ARHGAP15: variants seen among roughly 807,000 people sequenced by gnomAD.
The protein encoded by ARHGAP15 is Rho GTPase activating protein 15.
Under a neutral mutation model 63.7 loss-of-function variants are expected in ARHGAP15, and 51 were observed. That is an observed-to-expected ratio of 0.80 (90% confidence interval 0.64 to 1.01). The LOEUF (loss-of-function observed/expected upper bound fraction) is 1.01. Ranked by LOEUF, ARHGAP15 falls within the 50% of genes least tolerant of loss-of-function variation. The pLI is 0.00. For missense variants in ARHGAP15, 560 were observed against 564.6 expected (o/e 0.99, Z 0.08); for synonymous variants, 191 against 193.8 (o/e 0.99, Z 0.12).
intron 12 of ARHGAP15, among the ~76,000 whole-genome samples, chr2:143,633,474 A>G (rs975003934): frequency 1.3e-5 from 2 of 152,140 alleles, no homozygotes; most frequent in African/African-American, 4.8e-5. Flanking sequence ...TTGAGTGGTA[A>G]GACATCAGCT....
At chr2:143,404,630 T>C (rs1186359535) in intron 6 of ARHGAP15, among the ~76,000 whole-genome samples, 1 of 151,896 alleles carries the variant, frequency 6.6e-6, no homozygotes, top group Non-Finnish European at 1.5e-5. Flanking sequence ...TTAAATAAGA[T>C]GTAAACTATG....
At chr2:143,416,404 A>G (rs999131743) in intron 6 of ARHGAP15, among the ~76,000 whole-genome samples, 17 of 152,332 alleles carry the variant, frequency 1.1e-4, no homozygotes, top group South Asian at 2.1e-4. Context: ...TGCAAGCCAT[A>G]AAGAGGCAAA....
intron 6 of ARHGAP15, among the ~76,000 whole-genome samples, chr2:143,251,655 A>AT (rs998213305): frequency 6.6e-6 from 1 of 152,032 alleles, no homozygotes; most frequent in Admixed American, 6.6e-5. Context: ...AGGTATAGAG[A>AT]TTTTTTATCA....
At chr2:143,259,719 C>T (rs1195127297) in intron 6 of ARHGAP15, among the ~76,000 whole-genome samples, 1 of 152,042 alleles carries the variant, frequency 6.6e-6, no homozygotes, top group African/African-American at 2.4e-5. Flanking sequence ...AGTCCTTTCT[C>T]CCTGTCTTGT....
chr2:143,718,810 C>G (rs779267234), intron 13 of ARHGAP15, among the ~76,000 whole-genome samples: 5 of 152,170 alleles, frequency 3.3e-5, no homozygotes, highest in African/African-American at 2.4e-5. Context: ...AGGTTGAGTA[C>G]TTACTGTGTG....
intron 6 of ARHGAP15, among the ~76,000 whole-genome samples, chr2:143,382,083 TTCCTTCCTTCCTCCCTC>T (rs970094833): frequency 1.0e-3 from 29 of 27,908 alleles, no homozygotes; most frequent in African/African-American, 1.9e-3. Flanking sequence ...CTTCCTTCCT[TTCCTTCCTTCCTCCCTC>T]CCTTTCCTTC....
chr2:143,231,530 G>A (rs11888606), intron 5 of ARHGAP15, among the ~76,000 whole-genome samples: 42,835 of 151,976 alleles, frequency 0.28, 6,888 homozygotes, highest in East Asian at 0.46. Flanking sequence ...AAAGTTTCCC[G>A]GTGCCCCCAT....
chr2:143,515,436 T>G (rs988916808), intron 9 of ARHGAP15, among the ~76,000 whole-genome samples: 43 of 152,226 alleles, frequency 2.8e-4, no homozygotes, highest in Non-Finnish European at 7.3e-5. Flanking sequence ...TTTTGTTGCT[T>G]ATTTTTAATA....
intron 6 of ARHGAP15, among the ~76,000 whole-genome samples, chr2:143,265,828 A>C (rs1680960678): frequency 6.6e-6 from 1 of 152,178 alleles, no homozygotes; most frequent in East Asian, 1.9e-4. Flanking sequence ...AGATAAGCAT[A>C]GTGTATTCAT....
intron 2 of ARHGAP15, among the ~76,000 whole-genome samples, chr2:143,166,692 C>G (rs973463534): frequency 6.6e-6 from 1 of 152,104 alleles, no homozygotes; most frequent in Non-Finnish European, 1.5e-5. Context: ...AGACGTTCAC[C>G]TCCTGTAGGA....
At chr2:143,358,676 T>G (rs1165287019) in intron 6 of ARHGAP15, among the ~76,000 whole-genome samples, 2 of 151,536 alleles carry the variant, frequency 1.3e-5, no homozygotes, top group Non-Finnish European at 2.9e-5. Flanking sequence ...AGGAAATAGA[T>G]AGCTATGCAA....
At position 143,588,170 on chromosome 2, in the gene ARHGAP15, A is replaced by G. The variant is rs1697182662; in HGVS notation, c.1003+31685A>G. ...ACAGGAGCTCTGGGAAGCCAATGGCACCTGCTGTCTACCCCTCCATCTAAC... is the reference window on the plus strand; with the variant it reads ...ACAGGAGCTCTGGGAAGCCAATGGCGCCTGCTGTCTACCCCTCCATCTAAC... On this transcript the variant is annotated intron_variant, in intron 11 of 13. Transcript: ENST00000295095. 1.3e-5 allele frequency among the ~76,000 whole-genome samples: 2 copies of G among 152,144 alleles called. 1 individual carries two copies. The highest frequency in any genetic ancestry group is 4.1e-4 in the South Asian group (2 of 4,826).
At chr2:143,147,789 A>AT (rs927634116) in intron 1 of ARHGAP15, among the ~76,000 whole-genome samples, 4 of 151,934 alleles carry the variant, frequency 2.6e-5, no homozygotes, top group Admixed American at 1.3e-4. Flanking sequence ...ATTCTGGAAT[A>AT]TTTTTTCCGT....
intron 2 of ARHGAP15, among the ~76,000 whole-genome samples, chr2:143,170,345 T>C (rs1049533799): frequency 1.3e-5 from 2 of 152,174 alleles, no homozygotes; most frequent in East Asian, 1.9e-4. Context: ...GGCATTATGC[T>C]AAGTGCTATA....
intron 11 of ARHGAP15, among the ~76,000 whole-genome samples, chr2:143,599,125 T>A (rs6430037): frequency 0.81 from 123,200 of 151,948 alleles, 50,059 homozygotes; most frequent in South Asian, 0.84. Context: ...TTTCTTAAAA[T>A]CAAACCAACA....
chr2:143,751,865 A>C (rs1056591002), intron 13 of ARHGAP15, among the ~76,000 whole-genome samples: 2 of 152,086 alleles, frequency 1.3e-5, no homozygotes, highest in South Asian at 4.2e-4. Context: ...CCGCCCTTTG[A>C]TCACAGTTAA....
chr2:143,432,463 G>A (rs962922822), intron 6 of ARHGAP15, among the ~76,000 whole-genome samples: 3 of 151,868 alleles, frequency 2.0e-5, no homozygotes, highest in African/African-American at 4.8e-5. Flanking sequence ...AATCTAAAAC[G>A]CAAATTTCTT....
intron 11 of ARHGAP15, among the ~76,000 whole-genome samples, chr2:143,585,688 A>G (rs892738189): frequency 6.6e-6 from 1 of 152,182 alleles, no homozygotes; most frequent in Admixed American, 6.5e-5. Flanking sequence ...AAGTGTTTTT[A>G]TTTTAGACCA....
At chr2:143,435,342 G>A in intron 6 of ARHGAP15, 1 of 1,089,012 alleles carries the variant, frequency 9.2e-7, no homozygotes, top group Non-Finnish European at 1.1e-6. Flanking sequence ...TCCTTAAGTT[G>A]GAGTAATTCA....
Sources: gnomAD v4.1 joint callset for allele counts (sites outside exome capture counted in the v4.1 genomes callset) on GRCh38, gnomAD v4.1.1 for gene constraint, MANE v1.5 for transcripts, NCBI Gene and HGNC (gene_info 2026-07-23, HGNC 2026-07-21) for gene names.